FSHR: variants seen among roughly 807,000 people sequenced by gnomAD.
The protein encoded by FSHR is follicle-stimulating hormone receptor.
FSHR carries 46 observed loss-of-function variants against 52.1 expected under a neutral mutation model. The ratio of observed to expected loss-of-function variants is 0.88; its 90% CI spans 0.70 to 1.13. The LOEUF (loss-of-function observed/expected upper bound fraction) is 1.13. Among genes scored for constraint, FSHR ranks in the 50% most tolerant of loss-of-function variants. The pLI, the probability that FSHR is intolerant of heterozygous loss-of-function variation, is 0.00. For missense variants in FSHR, 964 were observed against 834.6 expected, an observed-to-expected ratio of 1.16 and a Z score of -1.91; for synonymous variants, 399 against 309.6, an observed-to-expected ratio of 1.29 and a Z score of -3.03.
At position 49,078,871 on chromosome 2, in the gene FSHR, A is replaced by G. The variant is rs112751400; in HGVS notation, c.153-10581T>C. Among the ~76,000 whole-genome samples, 1,376 of 152,282 alleles carry G rather than the reference A, an allele frequency of 9.0e-3. 18 individuals are homozygous for G. The highest frequency in any genetic ancestry group is 0.034 in the Middle Eastern group (10 of 294). ...TGCTGGATACCCTGGCCTACACAATAAGAATAGAGAAAGAAAAAGATACGT... is the reference window on the plus strand; with the variant it reads ...TGCTGGATACCCTGGCCTACACAATGAGAATAGAGAAAGAAAAAGATACGT... On this transcript the variant is annotated intron_variant, in intron 1 of 9. Transcript: ENST00000406846.
In FSHR at chr2:48,962,629, A is replaced by C; in HGVS notation, c.*104T>G. The C allele has an allele frequency of 2.5e-6, 3 of 1,178,164 alleles. No individual in the cohort carries two copies. The highest frequency in any genetic ancestry group is 3.0e-5 in the African/African-American group (2 of 66,386). The allele number at this position is 1,178,164 out of a possible 1,614,324, so 73.0% of individuals were successfully genotyped here. On this transcript the variant is annotated 3_prime_UTR_variant, in exon 10 of 10. Coordinates refer to ENST00000406846, the MANE Select transcript of FSHR (RefSeq NM_000145.4). Reference sequence around the variant, plus strand: ...CCTTAAAGGTATGCCAGGAATATTAAATTAGATGAAATGTGTAGAAGCACT... The same window carrying C: ...CCTTAAAGGTATGCCAGGAATATTACATTAGATGAAATGTGTAGAAGCACT...
chr2:49,105,888 G>T (rs988887667), intron 1 of FSHR, among the ~76,000 whole-genome samples: 2 of 152,240 alleles, frequency 1.3e-5, no homozygotes, highest in African/African-American at 4.8e-5. Flanking sequence ...AGAGTTTCAT[G>T]GCAAGGTGAG....
At chr2:49,046,920 C>G (rs1668682050) in intron 2 of FSHR, among the ~76,000 whole-genome samples, 1 of 152,168 alleles carries the variant, frequency 6.6e-6, no homozygotes, top group Non-Finnish European at 1.5e-5. Context: ...CACAGACATA[C>G]AGGGACTGAT....
rs1489201624 is a variant in FSHR at position 48,962,498 on chromosome 2, G to C, written c.*235C>G. On this transcript the variant is annotated 3_prime_UTR_variant, in exon 10 of 10. Transcript: ENST00000406846. Reference sequence around the variant, plus strand: ...TAACGTGCAAAAATAACATATATAAGGATAAAATATGTAATACAGTATTGC... The same window carrying C: ...TAACGTGCAAAAATAACATATATAACGATAAAATATGTAATACAGTATTGC... The C allele has an allele frequency of 1.9e-6, 1 of 525,564 alleles. No homozygotes were observed. The highest frequency in any genetic ancestry group is 1.9e-5 in the African/African-American group (1 of 52,258). 32.6% of individuals were successfully genotyped at this position (525,564 alleles called of 1,614,324 possible). A position where few individuals can be genotyped will look rare whatever the true frequency, so the allele number is the denominator to read the frequency against.
Position 48,983,519 on chromosome 2 carries a change from C to T in FSHR, c.525-353G>A, listed in dbSNP as rs115940756. ...GCGGGGAGCGACAGATCTTTCTCAT[C>T]CTGAAGGACAGGAATCGTACAATTA... On this transcript the variant is annotated intron_variant, in intron 6 of 9. Transcript: ENST00000406846. 3.8e-3 allele frequency among the ~76,000 whole-genome samples: 584 copies of T among 152,290 alleles called. 1 individual carries two copies. The highest frequency in any genetic ancestry group is 0.013 in the African/African-American group (545 of 41,568).
chr2:49,132,109 G>T (rs1339303803), intron 1 of FSHR, among the ~76,000 whole-genome samples: 1 of 152,158 alleles, frequency 6.6e-6, no homozygotes, highest in African/African-American at 2.4e-5. Context: ...CCAGCAAGTG[G>T]CTGTATACAC....
At chr2:48,988,117 T>A (rs963950781) in intron 6 of FSHR, among the ~76,000 whole-genome samples, 2 of 152,220 alleles carry the variant, frequency 1.3e-5, no homozygotes, top group Non-Finnish European at 2.9e-5. Flanking sequence ...CTATTTCTTT[T>A]TTCTTTCAAC....
intron 1 of FSHR, among the ~76,000 whole-genome samples, chr2:49,146,933 CTG>C (rs1327992101): frequency 2.6e-5 from 4 of 152,120 alleles, no homozygotes; most frequent in South Asian, 4.1e-4. Flanking sequence ...ACACAGGACT[CTG>C]TGATAACTTT....
intron 1 of FSHR, among the ~76,000 whole-genome samples, chr2:49,105,510 C>T (rs536297981): frequency 8.5e-5 from 13 of 152,068 alleles, no homozygotes; most frequent in South Asian, 2.1e-4. Context: ...AATTAAACTT[C>T]AAGAGTCGTG....
chr2:49,119,100 A>G (rs150494443), intron 1 of FSHR, among the ~76,000 whole-genome samples: 3 of 152,346 alleles, frequency 2.0e-5, no homozygotes, highest in East Asian at 3.9e-4. Flanking sequence ...GAGTAGGATA[A>G]GACTACTTAT....
At chr2:49,073,056 TAAAG>T (rs1669797820) in intron 1 of FSHR, among the ~76,000 whole-genome samples, 1 of 152,070 alleles carries the variant, frequency 6.6e-6, no homozygotes, top group Non-Finnish European at 1.5e-5. Flanking sequence ...ATTTTAGAAA[TAAAG>T]TAAGTGAGAA....
chr2:49,083,033 T>C (rs56375833), intron 1 of FSHR, among the ~76,000 whole-genome samples: 30,784 of 147,278 alleles, frequency 0.21, 3,188 homozygotes, highest in Middle Eastern at 0.26. Flanking sequence ...AACTCCAAGA[T>C]ACATAATTGT....
intron 6 of FSHR, among the ~76,000 whole-genome samples, chr2:48,985,186 C>T (rs953014774): frequency 5.3e-5 from 8 of 152,210 alleles, no homozygotes; most frequent in African/African-American, 1.2e-4. Context: ...GCATCACAGG[C>T]TTACCTTAAC....
intron 9 of FSHR, among the ~76,000 whole-genome samples, chr2:48,968,480 TG>T (rs1674577985): frequency 6.6e-6 from 1 of 152,260 alleles, no homozygotes; most frequent in African/African-American, 2.4e-5. Context: ...TTCTGCCACA[TG>T]GGTAGCCCTC....
intron 1 of FSHR, among the ~76,000 whole-genome samples, chr2:49,136,764 AT>A (rs1672503181): frequency 6.6e-6 from 1 of 152,174 alleles, no homozygotes; most frequent in Non-Finnish European, 1.5e-5. Flanking sequence ...AAAAACAAAA[AT>A]CACATAATTG....
intron 1 of FSHR, among the ~76,000 whole-genome samples, chr2:49,111,972 A>T (rs1244974028): frequency 6.6e-6 from 1 of 152,230 alleles, no homozygotes. Flanking sequence ...TTTATAGAAG[A>T]GGGAACTGAG....
intron 1 of FSHR, among the ~76,000 whole-genome samples, chr2:49,139,996 C>T (rs987419783): frequency 6.6e-6 from 1 of 152,064 alleles, no homozygotes; most frequent in Admixed American, 6.6e-5. Flanking sequence ...TGACAAGTAG[C>T]AGAGGATATA....
intron 1 of FSHR, among the ~76,000 whole-genome samples, chr2:49,150,608 A>G (rs770517228): frequency 3.3e-5 from 5 of 152,094 alleles, no homozygotes; most frequent in Non-Finnish European, 5.9e-5. Flanking sequence ...TAACAGAGCT[A>G]AAATTTAATG....
At chr2:49,026,269 C>A (rs1667907293) in intron 2 of FSHR, among the ~76,000 whole-genome samples, 1 of 152,198 alleles carries the variant, frequency 6.6e-6, no homozygotes, top group Admixed American at 6.5e-5. Context: ...TTAATTTAAA[C>A]CTTAAGTAAT....
Sources: allele counts gnomAD v4.1 joint callset (sites outside exome capture counted in the v4.1 genomes callset), GRCh38; gene constraint gnomAD v4.1.1; transcripts MANE v1.5; gene names NCBI Gene and HGNC (gene_info 2026-07-23, HGNC 2026-07-21).